C1orf21: variants seen among roughly 807,000 people sequenced by gnomAD.
C1orf21 encodes the protein uncharacterized protein C1orf21.
Under a neutral mutation model 18.7 loss-of-function variants are expected in C1orf21, and 3 were observed. The observed-to-expected ratio is 0.16, with a 90% CI of 0.07 to 0.42. The LOEUF (loss-of-function observed/expected upper bound fraction) is 0.42, where lower values mean the gene tolerates loss of function less well. Among genes scored for constraint, C1orf21 ranks in the 10% least tolerant of loss-of-function variants. C1orf21 has a pLI of 0.99. For missense variants in C1orf21, 104 were observed against 143.6 expected, an observed-to-expected ratio of 0.72 and a Z score of 1.41; for synonymous variants, 41 against 46.4, an observed-to-expected ratio of 0.88 and a Z score of 0.47.
At chr1:184,470,044 G>C (rs1657471585) in intron 1 of C1orf21, among the ~76,000 whole-genome samples, 1 of 152,110 alleles carries the variant, frequency 6.6e-6, no homozygotes, top group Non-Finnish European at 1.5e-5. Context: ...GTGCCTTTTA[G>C]TAATTCATAC....
intron 5 of C1orf21, among the ~76,000 whole-genome samples, chr1:184,615,877 A>G (rs1659813985): frequency 6.6e-6 from 1 of 152,212 alleles, no homozygotes; most frequent in South Asian, 2.1e-4. Context: ...ACAGTGTGTA[A>G]TGGTCAAATC....
intron 3 of C1orf21, among the ~76,000 whole-genome samples, chr1:184,563,439 C>G (rs1480552815): frequency 3.9e-5 from 6 of 152,072 alleles, no homozygotes; most frequent in African/African-American, 4.8e-5. Context: ...TCATCCTACC[C>G]CAAAGCACTA....
rs1473401965 is a variant in C1orf21 at position 184,628,921 on chromosome 1, G to A, written c.*9365G>A. 6.6e-6 allele frequency: 1 copy of A among 152,516 alleles called. No individual in the cohort carries two copies. The highest frequency in any genetic ancestry group is 1.5e-5 in the Non-Finnish European group (1 of 68,018). The allele number at this position is 152,516 out of a possible 1,614,324, so 9.4% of individuals were successfully genotyped here. ...TCCATTTTGAAAAGGGTCTGAGAAA[G>A]TGTACAGGTCTAATTATATATACAT... is the stretch of plus-strand genomic sequence containing the variant. On this transcript the variant is annotated 3_prime_UTR_variant, in exon 6 of 6. Coordinates refer to ENST00000235307, the MANE Select transcript of C1orf21 (RefSeq NM_030806.4).
intron 1 of C1orf21, among the ~76,000 whole-genome samples, chr1:184,405,294 C>T (rs1018981145): frequency 6.6e-6 from 1 of 152,040 alleles, no homozygotes; most frequent in Admixed American, 6.5e-5. Context: ...CTCCCTGGCT[C>T]TATCAATCCT....
chr1:184,404,591 C>G (rs946983185), intron 1 of C1orf21, among the ~76,000 whole-genome samples: 2 of 152,180 alleles, frequency 1.3e-5, no homozygotes, highest in African/African-American at 4.8e-5. Flanking sequence ...GTAATCACCT[C>G]TTTAAACTCT....
At chr1:184,460,668 TTC>T (rs1657292283) in intron 1 of C1orf21, among the ~76,000 whole-genome samples, 1 of 138,270 alleles carries the variant, frequency 7.2e-6, no homozygotes, top group Non-Finnish European at 1.6e-5. Context: ...CTTCTTCTTC[TTC>T]TTCTTCTTCT....
chr1:184,485,344 GATCT>G (rs1416947828), intron 2 of C1orf21, among the ~76,000 whole-genome samples: 20 of 152,154 alleles, frequency 1.3e-4, no homozygotes, highest in African/African-American at 4.6e-4. Context: ...ATATATTTTA[GATCT>G]ATCAGGTTAA....
chr1:184,578,833 G>A (rs561678758), intron 3 of C1orf21, among the ~76,000 whole-genome samples: 122 of 152,052 alleles, frequency 8.0e-4, no homozygotes, highest in Non-Finnish European at 1.5e-3. Context: ...CTCCTCCCAA[G>A]CACAAGAGTA....
intron 1 of C1orf21, among the ~76,000 whole-genome samples, chr1:184,449,104 G>T (rs930279942): frequency 9.2e-5 from 14 of 151,786 alleles, no homozygotes; most frequent in Non-Finnish European, 1.8e-4. Context: ...CAATGTGCAG[G>T]TTTGTTACAT....
chr1:184,410,615 T>TA (rs1656318560), intron 1 of C1orf21, among the ~76,000 whole-genome samples: 1 of 54,266 alleles, frequency 1.8e-5, no homozygotes, highest in Non-Finnish European at 2.9e-5. Flanking sequence ...TTGCCATATA[T>TA]ATTATATATA....
At chr1:184,503,569 T>A (rs774283542) in intron 2 of C1orf21, among the ~76,000 whole-genome samples, 2 of 152,114 alleles carry the variant, frequency 1.3e-5, no homozygotes, top group African/African-American at 2.4e-5. Context: ...CAGACTGTAC[T>A]GAGTGTACAC....
chr1:184,412,428 A>G (rs189472255), intron 1 of C1orf21: 22 of 152,372 alleles, frequency 1.4e-4, no homozygotes, highest in Non-Finnish European at 2.6e-4. Flanking sequence ...TCTTAAAGAA[A>G]CACAATAATA....
At chr1:184,472,306 C>CTGT (rs1657507392) in intron 1 of C1orf21, among the ~76,000 whole-genome samples, 2 of 152,138 alleles carry the variant, frequency 1.3e-5, no homozygotes, top group Non-Finnish European at 2.9e-5. Context: ...CTTTGCTTAA[C>CTGT]TGCTGACTTC....
chr1:184,468,430 T>C (rs887812916), intron 1 of C1orf21, among the ~76,000 whole-genome samples: 1 of 152,166 alleles, frequency 6.6e-6, no homozygotes, highest in Non-Finnish European at 1.5e-5. Context: ...GTGGTTATTT[T>C]GGAAGGGAAG....
At position 184,416,126 on chromosome 1, in the gene C1orf21, T is replaced by A. The variant is rs1656447472; in HGVS notation, c.-125+28758T>A. ...ATGATTTATTGAAAGGCTATCTAGA[T>A]GGTCACCCCTGGCAAACTGAATATC... On this transcript the variant is annotated intron_variant, in intron 1 of 5. Transcript: ENST00000235307. Among the ~76,000 whole-genome samples, 3 of 152,236 alleles carry A rather than the reference T, an allele frequency of 2.0e-5. No individual in the cohort carries two copies. In the South Asian group the frequency reaches 6.2e-4, roughly 31 times the overall value.
At chr1:184,425,923 T>C (rs1656630337) in intron 1 of C1orf21, among the ~76,000 whole-genome samples, 1 of 152,216 alleles carries the variant, frequency 6.6e-6, no homozygotes, top group African/African-American at 2.4e-5. Context: ...CATATAGTTT[T>C]TGTCTTTATG....
intron 3 of C1orf21, among the ~76,000 whole-genome samples, chr1:184,525,272 A>G (rs1270158531): frequency 1.3e-5 from 2 of 152,074 alleles, no homozygotes; most frequent in Non-Finnish European, 2.9e-5. Flanking sequence ...TTTCAGTGAT[A>G]ACATCTTAAT....
intron 3 of C1orf21, among the ~76,000 whole-genome samples, chr1:184,551,000 C>A (rs187265232): frequency 6.6e-6 from 1 of 152,076 alleles, no homozygotes; most frequent in Non-Finnish European, 1.5e-5. Flanking sequence ...AAAAGAGCAA[C>A]GAAGAGAAAC....
chr1:184,470,923 A>G (rs1657486623), intron 1 of C1orf21, among the ~76,000 whole-genome samples: 1 of 151,966 alleles, frequency 6.6e-6, no homozygotes, highest in Admixed American at 6.6e-5. Flanking sequence ...GTCCAGGAAT[A>G]TCTGCCATTG....
Sources: gnomAD v4.1 joint callset for allele counts (sites outside exome capture counted in the v4.1 genomes callset) on GRCh38, gnomAD v4.1.1 for gene constraint, MANE v1.5 for transcripts, NCBI Gene and HGNC (gene_info 2026-07-23, HGNC 2026-07-21) for gene names.